Variants in JAKMIP3 observed in about 807,000 individuals in gnomAD.
The protein encoded by JAKMIP3 is janus kinase and microtubule-interacting protein 3.
In JAKMIP3, 58 loss-of-function variants were observed where a neutral mutation model predicts 118.5. That is an observed-to-expected ratio of 0.49 (90% CI 0.40 to 0.61). The LOEUF is 0.61. Ranked by LOEUF, JAKMIP3 falls within the 20% of genes least tolerant of loss-of-function variation. The pLI is 0.00. For synonymous variants in JAKMIP3, 486 were observed against 451.2 expected (o/e 1.08, Z -0.98); for missense variants, 950 against 1,109.0 (o/e 0.86, Z 2.04).
At chr10:132,095,968 T>C (rs2043803723) in intron 1 of JAKMIP3, among the ~76,000 whole-genome samples, 1 of 152,140 alleles carries the variant, frequency 6.6e-6, no homozygotes, top group African/African-American at 2.4e-5. Context: ...GCCGGCATAC[T>C]GTCCCATGCT....
At chr10:132,148,487 C>T in intron 14 of JAKMIP3, among the ~76,000 whole-genome samples, 1 of 95,998 alleles carries the variant, frequency 1.0e-5, no homozygotes, top group East Asian at 7.8e-4. Context: ...CTCCATCCAC[C>T]CCCAAGGAGC....
intron 1 of JAKMIP3, among the ~76,000 whole-genome samples, chr10:132,089,189 G>A (rs1328537993): frequency 2.0e-5 from 3 of 149,160 alleles, no homozygotes; most frequent in African/African-American, 7.3e-5. Context: ...TTGGCAATGC[G>A]GGCCCTTTTT....
chr10:132,071,813 C>G (rs1052655472), intron 1 of JAKMIP3, among the ~76,000 whole-genome samples: 1 of 100,544 alleles, frequency 9.9e-6, no homozygotes, highest in African/African-American at 3.6e-5. Context: ...CTTTCCTTTC[C>G]TTTCTTTTCT....
intron 1 of JAKMIP3, among the ~76,000 whole-genome samples, chr10:132,082,452 C>T (rs1367501576): frequency 1.3e-5 from 2 of 152,100 alleles, no homozygotes; most frequent in African/African-American, 4.8e-5. Context: ...TAGCTTAGCT[C>T]CCACCTACGA....
intron 3 of JAKMIP3, among the ~76,000 whole-genome samples, chr10:132,124,277 G>A (rs1024193630): frequency 1.8e-4 from 28 of 152,102 alleles, no homozygotes; most frequent in African/African-American, 6.3e-4. Context: ...CCATTGCCAC[G>A]CGGTCGCCCG....
At position 132,180,682 on chromosome 10, in the gene JAKMIP3, CGTGTGTGTGCGTGCGTGTGTGTGT is replaced by C. The variant is rs2061051161; in HGVS notation, c.*1104-1673_*1104-1650del. On this transcript the variant is annotated intron_variant, in intron 23 of 23. Transcript: ENST00000684848. ...GCGTGTGTGCGTGTGTGTGCGCGCG[CGTGTGTGTGCGTGCGTGTGTGTGT>C]GCGCGTGTGTGTGCGTGTGTGTGCG... Among the ~76,000 whole-genome samples the C allele has an allele frequency of 7.3e-4, 4 of 5,502 alleles. 1 individual carries two copies. The highest frequency in any genetic ancestry group is 2.5e-3 in the African/African-American group (4 of 1,618). The allele number at this position is 5,502 out of a possible 152,430, so 3.6% of individuals were successfully genotyped here.
intron 1 of JAKMIP3, among the ~76,000 whole-genome samples, chr10:132,096,109 T>G (rs2043825483): frequency 6.6e-6 from 1 of 152,206 alleles, no homozygotes; most frequent in South Asian, 2.1e-4. Context: ...TCCTGACATT[T>G]CTTCCTGTGC....
upstream of JAKMIP3, among the ~76,000 whole-genome samples, chr10:132,036,425 C>T (rs1028166585): frequency 1.3e-5 from 2 of 152,172 alleles, no homozygotes; most frequent in African/African-American, 2.4e-5. Context: ...CCCTCTAAGC[C>T]GGCGGCGCCC....
chr10:132,051,401 G>A (rs539021733), intron 1 of JAKMIP3, among the ~76,000 whole-genome samples: 7 of 151,080 alleles, frequency 4.6e-5, no homozygotes, highest in African/African-American at 1.5e-4. Flanking sequence ...GGTTGGTCTT[G>A]TTAATTCCAG....
At position 132,133,174 on chromosome 10, in the gene JAKMIP3, C is replaced by T. The variant is rs374378880; in HGVS notation, c.634-138C>T. On this transcript the variant is annotated intron_variant, in intron 3 of 23. Coordinates refer to ENST00000684848, the MANE Select transcript of JAKMIP3 (RefSeq NM_001323087.2). ...TCGTGCCTCAGCCCAGGGCCACGGGCTCCTGCTCTTAGTCCAGGATGCTTC... is the reference window on the plus strand; with the variant it reads ...TCGTGCCTCAGCCCAGGGCCACGGGTTCCTGCTCTTAGTCCAGGATGCTTC... The T allele has an allele frequency of 4.4e-5, 32 of 732,770 alleles. No individual in the cohort carries two copies. In the African/African-American group the frequency reaches 5.1e-4, roughly 12 times the overall value. 45.4% of individuals were successfully genotyped at this position (732,770 alleles called of 1,614,324 possible). A position where few individuals can be genotyped will look rare whatever the true frequency, so the allele number is the denominator to read the frequency against.
intron 23 of JAKMIP3, among the ~76,000 whole-genome samples, chr10:132,180,654 TGTGC>T (rs1326406846): frequency 0.017 from 424 of 24,270 alleles, 61 homozygotes; most frequent in East Asian, 0.12. Flanking sequence ...TGCGTGTGCG[TGTGC>T]GTGTGTGCGT....
In JAKMIP3 at chr10:132,153,922, A is replaced by G; in HGVS notation, c.2152A>G (p.Ser718Gly). The change falls in exon 19 of 24, where the codon AGT (serine) becomes GGT (glycine). Residue 718 changes from serine (S) to glycine (G), a missense_variant. Ser to Gly is a moderately conservative substitution (Grantham distance 56, BLOSUM62 0). Coordinates refer to ENST00000684848, the MANE Select transcript of JAKMIP3 (RefSeq NM_001323087.2). Reference protein sequence around the residue: ...VDLESEKELFSKQKGYLDEEL... With the variant: ...VDLESEKELFGKQKGYLDEEL... ...CCCTCCTGTGTTTCAGGAGCTGTTC[A>G]GTAAGCAGAAGGGCTACCTGGACGA... The G allele has an allele frequency of 1.2e-6, 2 of 1,613,162 alleles. No individual in the cohort carries two copies. Among genetic ancestry groups the G allele is most frequent in the Non-Finnish European group, 1.7e-6 (2 of 1,179,864 alleles).
chr10:132,157,136 A>T (rs973308884), intron 19 of JAKMIP3, among the ~76,000 whole-genome samples: 1 of 151,996 alleles, frequency 6.6e-6, no homozygotes, highest in Non-Finnish European at 1.5e-5. Context: ...AGAAAAGGAC[A>T]TTTTCTTCCC....
intron 23 of JAKMIP3, among the ~76,000 whole-genome samples, chr10:132,177,994 G>A (rs1479783835): frequency 6.6e-6 from 1 of 152,148 alleles, no homozygotes; most frequent in African/African-American, 2.4e-5. Context: ...CCTGGGTAGT[G>A]TGTGTGTCTG....
At chr10:132,059,935 G>A (rs191677367), upstream of JAKMIP3, among the ~76,000 whole-genome samples, 788 of 152,344 alleles carry the variant, frequency 5.2e-3, 13 homozygotes, top group African/African-American at 0.018. Flanking sequence ...GAGTGGAGCC[G>A]TGAGCCCTGG....
At chr10:132,048,566 T>TTGACCAGCTCA (rs1460930400) in intron 1 of JAKMIP3, among the ~76,000 whole-genome samples, 1 of 152,180 alleles carries the variant, frequency 6.6e-6, no homozygotes, top group Non-Finnish European at 1.5e-5. Flanking sequence ...CTGTGTTCTG[T>TTGACCAGCTCA]TGACCAGCTC....
chr10:132,148,289 C>T (rs138542690), intron 14 of JAKMIP3, among the ~76,000 whole-genome samples: 23 of 152,326 alleles, frequency 1.5e-4, no homozygotes, highest in African/African-American at 5.5e-4. Context: ...ACCACCTCTT[C>T]ATACGAAGGA....
upstream of JAKMIP3, among the ~76,000 whole-genome samples, chr10:132,061,909 T>C (rs1319812705): frequency 6.6e-6 from 1 of 152,204 alleles, no homozygotes; most frequent in Non-Finnish European, 1.5e-5. Context: ...AAAGACTAGC[T>C]GAGGCTTCGC....
At chr10:132,057,410 G>C (rs997603389) in intron 1 of JAKMIP3, among the ~76,000 whole-genome samples, 3 of 152,224 alleles carry the variant, frequency 2.0e-5, no homozygotes, top group Non-Finnish European at 4.4e-5. Context: ...CCAGAGCCCA[G>C]CGTGGGCAGG....
Sources: allele counts gnomAD v4.1 joint callset (sites outside exome capture counted in the v4.1 genomes callset), GRCh38; gene constraint gnomAD v4.1.1; transcripts MANE v1.5; gene names NCBI Gene and HGNC (gene_info 2026-07-23, HGNC 2026-07-21).